BCAS1: variants seen among roughly 807,000 people sequenced by gnomAD.
The protein encoded by BCAS1 is brain enriched myelin associated protein 1, also known as breast carcinoma-amplified sequence 1.
In BCAS1, 46 loss-of-function variants were observed where a neutral mutation model predicts 65.4. The observed-to-expected ratio is 0.70, with a 90% CI of 0.55 to 0.90. The LOEUF (loss-of-function observed/expected upper bound fraction) is 0.90. Among genes scored for constraint, BCAS1 ranks in the 40% least tolerant of loss-of-function variants. The pLI, the probability that BCAS1 is intolerant of heterozygous loss-of-function variation, is 0.00. For missense variants in BCAS1, 793 were observed against 771.2 expected (o/e 1.03, Z -0.33); for synonymous variants, 298 against 293.5 (o/e 1.02, Z -0.16).
intron 4 of BCAS1, among the ~76,000 whole-genome samples, chr20:54,012,618 A>G (rs992733989): frequency 4.6e-5 from 7 of 152,202 alleles, no homozygotes; most frequent in Non-Finnish European, 1.0e-4. Context: ...GTGATGGAAT[A>G]TTTTGCAGCC....
intron 12 of BCAS1, 85 bp from the exon 13 acceptor site, chr20:53,945,081 T>C: frequency 8.8e-7 from 1 of 1,134,218 alleles, no homozygotes; most frequent in Admixed American, 1.7e-5. Context: ...GCACTTACTC[T>C]GTGCTAGGTG....
At chr20:54,058,022 A>C in intron 3 of BCAS1, 63 bp downstream of exon 3, 1 of 1,201,046 alleles carries the variant, frequency 8.3e-7, no homozygotes, top group Non-Finnish European at 1.2e-6. Context: ...TTCACCGTAA[A>C]CAGCATCTGC....
At chr20:54,067,265 A>G (rs1015657722) in intron 1 of BCAS1, among the ~76,000 whole-genome samples, 1 of 152,196 alleles carries the variant, frequency 6.6e-6, no homozygotes, top group African/African-American at 2.4e-5. Context: ...AATCCCAGCT[A>G]CTTGGGAGGC....
intron 3 of BCAS1, among the ~76,000 whole-genome samples, chr20:54,036,931 A>G (rs2091909135): frequency 6.6e-6 from 1 of 151,334 alleles, no homozygotes; most frequent in Non-Finnish European, 1.5e-5. Context: ...TATCATTTTC[A>G]AAGTACCAAA....
intron 3 of BCAS1, among the ~76,000 whole-genome samples, chr20:54,041,909 C>CAAAAAAAAAAAAAAA (rs796435949): frequency 2.5e-5 from 2 of 79,764 alleles, no homozygotes; most frequent in African/African-American, 5.4e-5. Flanking sequence ...CTGTCTCCCC[C>CAAAAAAAAAAAAAAA]AAAAAAAAAA....
chr20:54,007,720 A>T (rs886289254), intron 4 of BCAS1, among the ~76,000 whole-genome samples: 9 of 150,418 alleles, frequency 6.0e-5, no homozygotes, highest in Admixed American at 6.0e-4. Flanking sequence ...ACTTTGAAAT[A>T]TTTTTTTTTT....
intron 4 of BCAS1, among the ~76,000 whole-genome samples, chr20:54,021,256 C>T (rs1300007430): frequency 6.6e-5 from 10 of 151,714 alleles, no homozygotes; most frequent in Admixed American, 1.3e-4. Flanking sequence ...ACACATACAT[C>T]GGAAATATTA....
In BCAS1 at chr20:53,975,418, C is replaced by A. The variant is rs2145700464; in HGVS notation, c.1288G>T (p.Asp430Tyr). 1 of 1,612,226 alleles carries A rather than the reference C, an allele frequency of 6.2e-7. No homozygotes were observed. The highest frequency in any genetic ancestry group is 1.1e-5 in the South Asian group (1 of 91,000). The change falls in exon 9 of 13, where the codon GAC (aspartate) becomes TAC (tyrosine). Residue 430 changes from aspartate to tyrosine, a missense_variant. Transcript: ENST00000688948. ...TCCTCCGCACCTGTGGGGACTGAGT[C>A]CTCTTTAACTGACTAAAGGAAGATA... ...KLFWKKSVKE[D>Y]SVPTGAEENV...
At chr20:54,015,479 AG>A (rs976792315) in intron 4 of BCAS1, among the ~76,000 whole-genome samples, 13 of 152,066 alleles carry the variant, frequency 8.5e-5, no homozygotes, top group Non-Finnish European at 1.6e-4. Context: ...TTCAATGAGT[AG>A]TTTTTTTTTT....
chr20:54,061,159 G>A (rs1601038866), intron 1 of BCAS1, among the ~76,000 whole-genome samples: 2 of 152,090 alleles, frequency 1.3e-5, no homozygotes, highest in South Asian at 2.1e-4. Flanking sequence ...TGAGGTAGCC[G>A]AAACTCGAGG....
At position 53,966,935 on chromosome 20, in the gene BCAS1, T is replaced by G; in HGVS notation, c.1456A>C (p.Thr486Pro). ...KLKREESKPR[T>P]SLMAFLRQMS... Reference sequence around the variant, plus strand: ...TGTCTGAGAAACGCCATCAGAGAGGTTCTTGGTTTGCTTTCTTCTCTTTTG... The same window carrying G: ...TGTCTGAGAAACGCCATCAGAGAGGGTCTTGGTTTGCTTTCTTCTCTTTTG... The change falls in exon 10 of 13, where the codon ACC (threonine) becomes CCC (proline). Residue 486 changes from threonine (T) to proline (P), a missense_variant. Thr to Pro is a conservative substitution (Grantham distance 38, BLOSUM62 -1). Coordinates refer to ENST00000688948, the MANE Select transcript of BCAS1 (RefSeq NM_001366298.2). The G allele has an allele frequency of 2.5e-6, 4 of 1,612,392 alleles. No individual in the cohort carries two copies. The highest frequency in any genetic ancestry group is 3.4e-6 in the Non-Finnish European group (4 of 1,179,450).
At chr20:54,033,763 A>T (rs1338992536) in intron 3 of BCAS1, among the ~76,000 whole-genome samples, 1 of 151,294 alleles carries the variant, frequency 6.6e-6, no homozygotes, top group Non-Finnish European at 1.5e-5. Flanking sequence ...TTATTCCAAA[A>T]AGTTGAGTAG....
chr20:54,012,604 A>G (rs1431216228), intron 4 of BCAS1, among the ~76,000 whole-genome samples: 1 of 152,208 alleles, frequency 6.6e-6, no homozygotes, highest in Non-Finnish European at 1.5e-5. Flanking sequence ...ACCCATAACA[A>G]TGTGTGATGG....
rs547400389 is a variant in BCAS1, at chr20:53,983,505, T to TG, written c.1275+1781_1275+1782insC. Among the ~76,000 whole-genome samples, 490 of 152,344 alleles carry TG rather than the reference T, an allele frequency of 3.2e-3. 4 individuals carry two copies. The highest frequency in any genetic ancestry group is 0.011 in the African/African-American group (468 of 41,572). ...AACTTTTAGCTTTTACATCAGTGTT[T>TG]CTCAAACTTTAGCCACTGGCACACC... is the stretch of plus-strand genomic sequence containing the variant. On this transcript the variant is annotated intron_variant, in intron 8 of 12. Transcript: ENST00000688948.
intron 1 of BCAS1, among the ~76,000 whole-genome samples, chr20:54,069,864 C>T (rs6097757): frequency 0.27 from 40,445 of 152,050 alleles, 6,186 homozygotes; most frequent in Middle Eastern, 0.41. Context: ...AATGACTCTT[C>T]CAGGCAGGAA....
Position 53,944,241 on chromosome 20 carries a change from G to C in BCAS1, c.*681C>G, listed in dbSNP as rs2089234322. ...TTCGTCTCCCTTCTTCAAGCTTAGA[G>C]GATAAGCACGCATTTACTACAACGC... On this transcript the variant is annotated 3_prime_UTR_variant, in exon 13 of 13. Transcript: ENST00000688948. 6.6e-6 allele frequency: 1 copy of C among 152,112 alleles called. No individual in the cohort carries two copies. Among genetic ancestry groups the C allele is most frequent in the Admixed American group, 6.5e-5 (1 of 15,272 alleles). The allele number at this position is 152,112 out of a possible 1,614,324, so 9.4% of individuals were successfully genotyped here. A position where few individuals can be genotyped will look rare whatever the true frequency, so the allele number is the denominator to read the frequency against.
intron 4 of BCAS1, among the ~76,000 whole-genome samples, chr20:53,998,870 A>T (rs117972947): frequency 0.018 from 2,728 of 152,316 alleles, 30 homozygotes; most frequent in Non-Finnish European, 0.024. Flanking sequence ...AATGCATTAA[A>T]CATATGTCAC....
At chr20:53,991,825 G>C (rs535472936) in intron 7 of BCAS1, among the ~76,000 whole-genome samples, 1 of 152,186 alleles carries the variant, frequency 6.6e-6, no homozygotes, top group Admixed American at 6.5e-5. Context: ...GCATACCATT[G>C]GTGGATCAGA....
chr20:53,999,801 A>C (rs2091011896), intron 4 of BCAS1, among the ~76,000 whole-genome samples: 1 of 151,394 alleles, frequency 6.6e-6, no homozygotes, highest in Admixed American at 6.6e-5. Context: ...CATGATCTTG[A>C]CTCACTGCAA....
Sources: allele counts gnomAD v4.1 joint callset (sites outside exome capture counted in the v4.1 genomes callset), GRCh38; gene constraint gnomAD v4.1.1; transcripts MANE v1.5; gene names NCBI Gene and HGNC (gene_info 2026-07-23, HGNC 2026-07-21).